The following C13orf42 variants were observed in gnomAD, a reference collection of about 807,000 sequenced individuals.
C13orf42 encodes uncharacterized protein C13orf42.
At chr13:51,133,060 C>A (rs1429505555) in intron 1 of C13orf42, among the ~76,000 whole-genome samples, 8 of 152,184 alleles carry the variant, frequency 5.3e-5, no homozygotes, top group Admixed American at 2.6e-4. Flanking sequence ...GTTTGGCATA[C>A]AATCAAGAAA....
intron 1 of C13orf42, among the ~76,000 whole-genome samples, chr13:51,099,048 A>T (rs1464771737): frequency 1.3e-5 from 2 of 152,146 alleles, no homozygotes; most frequent in East Asian, 1.9e-4. Context: ...AAACAAGCCA[A>T]ATTTACCCAC....
At chr13:51,084,626 G>A (rs1018983755) in intron 3 of C13orf42, among the ~76,000 whole-genome samples, 2 of 152,248 alleles carry the variant, frequency 1.3e-5, no homozygotes, top group African/African-American at 4.8e-5. Flanking sequence ...ATCCAACAGG[G>A]TTTAGTGGCT....
At chr13:51,104,456 G>A (rs1330319610) in intron 1 of C13orf42, among the ~76,000 whole-genome samples, 1 of 152,202 alleles carries the variant, frequency 6.6e-6, no homozygotes, top group Non-Finnish European at 1.5e-5. Context: ...GGAGGCTGAG[G>A]TGGGCAGATT....
At chr13:51,161,937 T>G in intron 1 of C13orf42, 1 of 493,352 alleles carries the variant, frequency 2.0e-6, no homozygotes, top group South Asian at 1.5e-5. Context: ...TGACCATCAG[T>G]GCTTCCCACG....
chr13:51,084,393 T>C (rs1008953530), intron 3 of C13orf42, 68 bp from the exon 4 acceptor site: 1 of 397,902 alleles, frequency 2.5e-6, no homozygotes, highest in Non-Finnish European at 4.4e-6. Flanking sequence ...GAAGGGATGC[T>C]CAATGACCAC....
chr13:51,102,254 T>G (rs1953301863), intron 1 of C13orf42, among the ~76,000 whole-genome samples: 1 of 152,164 alleles, frequency 6.6e-6, no homozygotes, highest in Non-Finnish European at 1.5e-5. Flanking sequence ...TCTCAACAGA[T>G]CTGAAAAATA....
chr13:51,086,845 G>A (rs1953132949), intron 2 of C13orf42, among the ~76,000 whole-genome samples: 1 of 152,164 alleles, frequency 6.6e-6, no homozygotes, highest in East Asian at 1.9e-4. Flanking sequence ...TGGAGGGGCT[G>A]CGTGGGAGAG....
intron 1 of C13orf42, among the ~76,000 whole-genome samples, chr13:51,108,466 C>T (rs918861573): frequency 1.3e-5 from 2 of 152,166 alleles, no homozygotes. Flanking sequence ...CCATGGGCCA[C>T]CCCACCAGCC....
chr13:51,095,267 T>C (rs1465080891), intron 1 of C13orf42, among the ~76,000 whole-genome samples: 1 of 152,172 alleles, frequency 6.6e-6, no homozygotes, highest in African/African-American at 2.4e-5. Context: ...CTTTGTCCTT[T>C]TAGCAATTTT....
chr13:51,124,145 C>T (rs1953557809), intron 1 of C13orf42, among the ~76,000 whole-genome samples: 1 of 152,172 alleles, frequency 6.6e-6, no homozygotes, highest in South Asian at 2.1e-4. Context: ...CCAACCAGTT[C>T]TGTGGCCCCA....
chr13:51,104,824 G>T (rs1226099838), intron 1 of C13orf42, among the ~76,000 whole-genome samples: 2 of 150,106 alleles, frequency 1.3e-5, no homozygotes, highest in African/African-American at 4.9e-5. Context: ...ATGAGTAGGT[G>T]AGAAAAGAGA....
intron 1 of C13orf42, among the ~76,000 whole-genome samples, chr13:51,109,613 G>A (rs989197106): frequency 7.2e-5 from 11 of 152,030 alleles, no homozygotes; most frequent in East Asian, 1.9e-4. Flanking sequence ...AATTAGCCGC[G>A]TGTGGTGGCA....
chr13:51,084,147 G>A lies in C13orf42; in HGVS notation c.*4C>T. ...CTGAGACACGTCAAGGAATCCAGAT[G>A]GAGTCAGGGCACCGTCCGCTCCCAA... On this transcript the variant is annotated 3_prime_UTR_variant, in exon 4 of 4. Coordinates refer to ENST00000563710, the MANE Select transcript of C13orf42 (RefSeq NM_001351589.3). 1 of 398,704 alleles carries A rather than the reference G, an allele frequency of 2.5e-6. No homozygotes were observed. Among genetic ancestry groups the A allele is most frequent in the Non-Finnish European group, 4.4e-6 (1 of 226,116 alleles). The allele number at this position is 398,704 out of a possible 1,614,324, so 24.7% of individuals were successfully genotyped here. A position where few individuals can be genotyped will look rare whatever the true frequency, so the allele number is the denominator to read the frequency against.
chr13:51,138,009 G>T lies in C13orf42; in HGVS notation n.137-24787C>A, dbSNP rs574046258. Among the ~76,000 whole-genome samples the T allele has an allele frequency of 2.0e-5, 3 of 152,036 alleles. No individual in the cohort carries two copies. In the South Asian group the frequency reaches 6.2e-4, roughly 32 times the overall value. The stretch of plus-strand genomic sequence containing the variant: ...TGTTCTATGGTGTAGAGGCAGGAGG[G>T]TTTGTGTCATCAGTGCTGTCCTCAG... On this transcript the variant is annotated intron_variant and non_coding_transcript_variant, in intron 1 of 4. Coordinates refer to the C13orf42 transcript ENST00000433280.
intron 1 of C13orf42, among the ~76,000 whole-genome samples, chr13:51,105,003 G>C (rs1459628665): frequency 2.0e-5 from 3 of 152,214 alleles, no homozygotes; most frequent in African/African-American, 7.2e-5. Flanking sequence ...TAACATGCTA[G>C]GATGCAGGGT....
At chr13:51,085,905 C>T (rs938884318) in intron 2 of C13orf42, among the ~76,000 whole-genome samples, 11 of 151,994 alleles carry the variant, frequency 7.2e-5, no homozygotes, top group Admixed American at 2.6e-4. Context: ...AAAAATTAGC[C>T]GGGCGTAGTG....
At chr13:51,104,318 T>G (rs1032277289) in intron 1 of C13orf42, among the ~76,000 whole-genome samples, 1 of 152,228 alleles carries the variant, frequency 6.6e-6, no homozygotes, top group Non-Finnish European at 1.5e-5. Flanking sequence ...ATTATCTGGC[T>G]ATTAACATTT....
chr13:51,086,918 A>C (rs1234064839), intron 2 of C13orf42, among the ~76,000 whole-genome samples: 2 of 152,170 alleles, frequency 1.3e-5, no homozygotes, highest in African/African-American at 2.4e-5. Flanking sequence ...AAAGAACCCA[A>C]TTTGAAACCC....
intron 1 of C13orf42, among the ~76,000 whole-genome samples, chr13:51,123,711 T>C (rs2138015971): frequency 6.6e-6 from 1 of 152,322 alleles, no homozygotes; most frequent in East Asian, 1.9e-4. Flanking sequence ...GTACTTACTA[T>C]TTATTGAGCG....
Sources: gnomAD v4.1 joint callset for allele counts (sites outside exome capture counted in the v4.1 genomes callset) on GRCh38, gnomAD v4.1.1 for gene constraint, MANE v1.5 for transcripts, NCBI Gene and HGNC (gene_info 2026-07-23, HGNC 2026-07-21) for gene names.